Variants in SSPN observed in about 807,000 individuals in gnomAD.
SSPN encodes the protein sarcospan.
A neutral mutation model predicts 19.1 loss-of-function variants in SSPN; 15 were observed. The observed-to-expected ratio is 0.78, with a 90% CI of 0.52 to 1.21. The LOEUF is 1.21. SSPN is among the 50% of genes most tolerant of loss of function. The probability of loss-of-function intolerance (pLI) is 0.00; values close to 1 mark genes in which losing one functional copy is unlikely to be tolerated. For synonymous variants in SSPN, 147 were observed against 140.3 expected (o/e 1.05, Z -0.34); for missense variants, 291 against 314.0 (o/e 0.93, Z 0.55).
At chr12:26,122,318 C>T (rs1170610200) in intron 1 of SSPN, 8 of 1,169,778 alleles carry the variant, frequency 6.8e-6, no homozygotes, top group Non-Finnish European at 7.4e-6. Context: ...CGGCGGCTGC[C>T]GCGGCTGCCG....
intron 1 of SSPN, among the ~76,000 whole-genome samples, chr12:26,128,252 G>C (rs182644257): frequency 6.6e-6 from 1 of 152,204 alleles, no homozygotes; most frequent in South Asian, 2.1e-4. Flanking sequence ...ATGAAATTGT[G>C]TGGGGAGTTT....
At position 26,197,167 on chromosome 12, in the gene SSPN, C is replaced by T. The variant is rs545201348; in HGVS notation, c.279+1216C>T. 6.6e-5 allele frequency among the ~76,000 whole-genome samples: 10 copies of T among 152,284 alleles called. No individual in the cohort carries two copies. In the South Asian group the frequency reaches 1.0e-3, roughly 16 times the overall value. On this transcript the variant is annotated intron_variant, in intron 1 of 2. Transcript: ENST00000242729. ...TTGCATCCTTACTGCTATTACTGAC[C>T]ACAGGAACTGTAACTCACAAAACGT... is the stretch of plus-strand genomic sequence containing the variant.
At chr12:26,156,041 G>A (rs915259846) in intron 1 of SSPN, among the ~76,000 whole-genome samples, 1 of 152,220 alleles carries the variant, frequency 6.6e-6, no homozygotes, top group Non-Finnish European at 1.5e-5. Flanking sequence ...AACTTTGATG[G>A]TAAAGAATCT....
chr12:26,160,397 G>A (rs1944580717), intron 1 of SSPN, among the ~76,000 whole-genome samples: 1 of 152,012 alleles, frequency 6.6e-6, no homozygotes, highest in Admixed American at 6.6e-5. Context: ...TTTTTTCTTT[G>A]CAGGTCAAAG....
chr12:26,211,789 A>T (rs901174335), intron 1 of SSPN: 1 of 152,236 alleles, frequency 6.6e-6, no homozygotes, highest in Admixed American at 6.5e-5. Context: ...CTTGGACAAC[A>T]GATCTGGCTA....
chr12:26,226,007 A>G (rs966321191), intron 2 of SSPN, among the ~76,000 whole-genome samples: 1 of 151,642 alleles, frequency 6.6e-6, no homozygotes, highest in Non-Finnish European at 1.5e-5. Context: ...AAAAAAAGTC[A>G]CTGCCAATGT....
chr12:26,191,743 A>C (rs2137452208), upstream of SSPN, among the ~76,000 whole-genome samples: 1 of 151,972 alleles, frequency 6.6e-6, no homozygotes. Flanking sequence ...GGTCAGCAAT[A>C]TCCCTAGAGT....
upstream of SSPN, chr12:26,195,398 C>T (rs556404227): frequency 1.7e-5 from 7 of 410,406 alleles, no homozygotes; most frequent in Admixed American, 3.3e-4. Context: ...CCAAGGGACC[C>T]GCGCCGGTTT....
chr12:26,175,769 A>T (rs1232088883), intron 1 of SSPN, among the ~76,000 whole-genome samples: 2 of 152,204 alleles, frequency 1.3e-5, no homozygotes, highest in East Asian at 1.9e-4. Context: ...AATAAAAAAA[A>T]TTACAAAAAC....
chr12:26,169,441 A>G (rs1428749573), intron 1 of SSPN, among the ~76,000 whole-genome samples: 1 of 152,134 alleles, frequency 6.6e-6, no homozygotes, highest in East Asian at 1.9e-4. Context: ...AAGGGATAGG[A>G]GGCTTAGTAT....
intron 1 of SSPN, among the ~76,000 whole-genome samples, chr12:26,158,334 T>A (rs1944567731): frequency 6.6e-6 from 1 of 152,154 alleles, no homozygotes; most frequent in Non-Finnish European, 1.5e-5. Context: ...TCTGATTCAT[T>A]TGAATTTGTG....
chr12:26,229,283 T>C (rs993957455), intron 2 of SSPN, among the ~76,000 whole-genome samples: 12 of 152,206 alleles, frequency 7.9e-5, no homozygotes, highest in African/African-American at 2.9e-4. Flanking sequence ...TGACCTTAGA[T>C]AGACAGTCAA....
At chr12:26,224,257 C>A in intron 1 of SSPN, 36 bp from the exon 2 acceptor site, 1 of 1,486,816 alleles carries the variant, frequency 6.7e-7, no homozygotes, top group Non-Finnish European at 9.4e-7. Context: ...ACAACGTACC[C>A]TGATAACATC....
At chr12:26,191,675 TCTACACACACACACACACACA>T (rs1165626016), upstream of SSPN, among the ~76,000 whole-genome samples, 4 of 111,712 alleles carry the variant, frequency 3.6e-5, no homozygotes, top group Non-Finnish European at 7.4e-5. Flanking sequence ...TTTAATTTGT[TCTACACACACACACACACACA>T]CACACACACA....
chr12:26,190,908 C>T (rs1473519135), upstream of SSPN, among the ~76,000 whole-genome samples: 2 of 152,238 alleles, frequency 1.3e-5, no homozygotes, highest in Non-Finnish European at 2.9e-5. Flanking sequence ...CCTCTTACTC[C>T]TTTCGAGACA....
intron 1 of SSPN, among the ~76,000 whole-genome samples, chr12:26,200,064 C>T (rs192326925): frequency 2.2e-4 from 34 of 152,242 alleles, no homozygotes; most frequent in Non-Finnish European, 3.1e-4. Flanking sequence ...GTTTAGTATT[C>T]GATATTCTCC....
In SSPN at chr12:26,124,944, C is replaced by CT. The variant is rs1467461890; in HGVS notation, c.-31+2792_-31+2793insT. On this transcript the variant is annotated intron_variant, in intron 1 of 2. Transcript: ENST00000538142. The stretch of plus-strand genomic sequence containing the variant: ...AAAGTGTGAAGCAGTTGGTCCCCCC[C>CT]CTCCACCGCGCTCGCACACACACAC... 5.5e-6 allele frequency: 4 copies of CT among 733,600 alleles called. No homozygotes were observed. The African/African-American group carries it at 6.9e-5, about 13-fold the overall frequency. The allele number at this position is 733,600 out of a possible 1,614,324, so 45.4% of individuals were successfully genotyped here. A position where few individuals can be genotyped will look rare whatever the true frequency, so the allele number is the denominator to read the frequency against.
intron 1 of SSPN, chr12:26,180,699 A>C (rs1014687781): frequency 4.6e-5 from 7 of 152,216 alleles, no homozygotes; most frequent in Non-Finnish European, 5.9e-5. Context: ...AAACTTGAAC[A>C]GTACTTGAGA....
rs1356269857 is a variant in SSPN at position 26,232,848 on chromosome 12, TG to T, written c.*1774del. 3.2e-5 allele frequency: 13 copies of T among 401,906 alleles called. No individual in the cohort carries two copies. Among genetic ancestry groups the T allele is most frequent in the African/African-American group, 2.9e-4 (13 of 44,768 alleles). 24.9% of individuals were successfully genotyped at this position (401,906 alleles called of 1,614,324 possible). A position where few individuals can be genotyped will look rare whatever the true frequency, so the allele number is the denominator to read the frequency against. ...TTGGAGAGCTTAGAGGATAAGTCTC[TG>T]GAGCAGAATTTATCACACACAAAAG... On this transcript the variant is annotated 3_prime_UTR_variant, in exon 3 of 3. Coordinates refer to ENST00000242729, the MANE Select transcript of SSPN (RefSeq NM_005086.5).
Sources: allele counts gnomAD v4.1 joint callset (sites outside exome capture counted in the v4.1 genomes callset), GRCh38; gene constraint gnomAD v4.1.1; transcripts MANE v1.5; gene names NCBI Gene and HGNC (gene_info 2026-07-23, HGNC 2026-07-21).